Variants in PKHD1L1 observed in about 807,000 individuals in gnomAD.
The protein encoded by PKHD1L1 is PKHD1 like 1, also known as fibrocystin-L.
In PKHD1L1, 434 loss-of-function variants were observed where a neutral mutation model predicts 462.9. The ratio of observed to expected loss-of-function variants is 0.94; its 90% CI spans 0.87 to 1.02. PKHD1L1 has a LOEUF of 1.02. Among genes scored for constraint, PKHD1L1 ranks in the 50% least tolerant of loss-of-function variants. The pLI is 0.00. For missense variants in PKHD1L1, 5,202 were observed against 5,096.1 expected (o/e 1.02, Z -0.63); for synonymous variants, 1,781 against 1,750.0 (o/e 1.02, Z -0.44).
At chr8:109,376,155 C>T (rs951044962) in intron 2 of PKHD1L1, among the ~76,000 whole-genome samples, 9 of 152,356 alleles carry the variant, frequency 5.9e-5, no homozygotes, top group South Asian at 2.1e-4. Context: ...CCACCCAGTT[C>T]GAGCTTCCTG....
intron 2 of PKHD1L1, among the ~76,000 whole-genome samples, chr8:109,380,738 C>T (rs1277569091): frequency 2.0e-5 from 3 of 152,152 alleles, no homozygotes; most frequent in African/African-American, 7.2e-5. Context: ...GCTTTTCTTT[C>T]CTCACATTTT....
chr8:109,508,531 G>A (rs1819815391), intron 70 of PKHD1L1, among the ~76,000 whole-genome samples: 1 of 151,970 alleles, frequency 6.6e-6, no homozygotes, highest in Non-Finnish European at 1.5e-5. Flanking sequence ...AGAAGTAGGG[G>A]AAAAGTTATT....
Position 109,396,101 on chromosome 8 carries a change from G to A in PKHD1L1, c.886G>A (p.Asp296Asn). Reference protein sequence around the residue: ...TTLTISGRFFDQTDFPVRVLV... With the variant: ...TTLTISGRFFNQTDFPVRVLV... ...GCTGACAATAAGTGGGCGTTTCTTT[G>A]ATCAGACAGATTTCCCCGTCAGAGT... Residue 296 changes from aspartate (D) to asparagine (N), a missense_variant, in exon 11 of 78, where the codon GAT (aspartate) becomes AAT (asparagine). Around this residue, in one of 3 missense-constraint regions of PKHD1L1, gnomAD observed 4,497 missense variants for 4,336.8 expected, o/e 1.04. Coordinates refer to ENST00000378402, the MANE Select transcript of PKHD1L1 (RefSeq NM_177531.6). The A allele has an allele frequency of 6.2e-7, 1 of 1,608,796 alleles. No individual in the cohort carries two copies. Among genetic ancestry groups the A allele is most frequent in the South Asian group, 1.1e-5 (1 of 89,382 alleles).
chr8:109,382,623 C>T (rs1812185652), intron 4 of PKHD1L1, 52 bp downstream of exon 4: 1 of 1,441,296 alleles, frequency 6.9e-7, no homozygotes, highest in Admixed American at 2.0e-5. Flanking sequence ...TGCTTTCTTT[C>T]CTGCAGAACT....
intron 18 of PKHD1L1, among the ~76,000 whole-genome samples, chr8:109,408,810 T>C (rs1400918688): frequency 7.9e-5 from 12 of 152,194 alleles, no homozygotes; most frequent in Non-Finnish European, 1.5e-5. Flanking sequence ...CATTTAAATG[T>C]CAACCTTTTA....
At chr8:109,514,074 T>C (rs929669362) in intron 71 of PKHD1L1, among the ~76,000 whole-genome samples, 1 of 152,136 alleles carries the variant, frequency 6.6e-6, no homozygotes, top group Admixed American at 6.5e-5. Flanking sequence ...CTCCCACCCC[T>C]GAGCTCTCTG....
chr8:109,508,762 A>G (rs1363574469), intron 70 of PKHD1L1, among the ~76,000 whole-genome samples: 1 of 152,088 alleles, frequency 6.6e-6, no homozygotes, highest in African/African-American at 2.4e-5. Flanking sequence ...TTTCGTCTCT[A>G]ATTCCTTTGA....
Position 109,401,560 on chromosome 8 carries a change from G to C in PKHD1L1, c.1345G>C (p.Asp449His). The C allele has an allele frequency of 1.3e-6, 2 of 1,588,982 alleles. No homozygotes were observed. The highest frequency in any genetic ancestry group is 1.7e-6 in the Non-Finnish European group (2 of 1,159,306). Residue 449 changes from aspartate to histidine, a missense_variant, in exon 14 of 78, where the codon GAT (aspartate) becomes CAT (histidine). Around this residue, in one of 3 missense-constraint regions of PKHD1L1, gnomAD observed 4,497 missense variants for 4,336.8 expected, o/e 1.04. Transcript: ENST00000378402. ...SYFSSPTQRS[D>H]DIHLQKGKEY... ...TTTTTCCAGTCCAACACAAAGATCAGATGATATTCATCTGCAGAAAGGAAA... is the reference window on the plus strand; with the variant it reads ...TTTTTCCAGTCCAACACAAAGATCACATGATATTCATCTGCAGAAAGGAAA...
chr8:109,518,428 G>A lies in PKHD1L1; in HGVS notation c.11951G>A (p.Arg3984Lys), dbSNP rs770970257. The A allele has an allele frequency of 7.4e-6, 12 of 1,612,120 alleles. No homozygotes were observed. The highest frequency in any genetic ancestry group is 9.3e-6 in the Non-Finnish European group (11 of 1,179,592). The change falls in exon 73 of 78, where the codon AGG becomes AAG. Residue 3984 changes from arginine to lysine, a missense_variant. By Grantham distance (26) the Arg-to-Lys change is conservative (BLOSUM62 2). This residue lies in a region of PKHD1L1 where 698 missense variants were observed against 736.3 expected (regional missense o/e 0.95). Transcript: ENST00000378402. ...RISKIRGKSL[R>K]RKRSMGFIIE... ...AGCAAAATAAGAGGGAAGAGTCTGA[G>A]GAGGAAGAGATCCATGGGATTCATA...
chr8:109,506,670 C>T (rs1819707311), intron 68 of PKHD1L1, among the ~76,000 whole-genome samples: 1 of 152,232 alleles, frequency 6.6e-6, no homozygotes, highest in South Asian at 2.1e-4. Flanking sequence ...ACATGAACTA[C>T]AAAAATATTT....
rs1821069072 is a variant in PKHD1L1 at position 109,532,718 on chromosome 8, T to C, written c.*2628T>C. Among the ~76,000 whole-genome samples the C allele has an allele frequency of 6.6e-6, 1 of 152,188 alleles. No individual in the cohort carries two copies. The highest frequency in any genetic ancestry group is 1.5e-5 in the Non-Finnish European group (1 of 68,020). On this transcript the variant is annotated 3_prime_UTR_variant, in exon 78 of 78. Transcript: ENST00000378402. ...TGTATTTCTCATAGTAAGTGAAATG[T>C]TTATATCTTGTACTACTGTCTCTAC...
At chr8:109,522,713 A>T (rs1384459913) in intron 74 of PKHD1L1, 31 bp from the exon 75 acceptor site, 6 of 1,574,412 alleles carry the variant, frequency 3.8e-6, no homozygotes, top group Non-Finnish European at 5.2e-6. Context: ...TTTATCATGA[A>T]GAAACCAGTT....
intron 21 of PKHD1L1, among the ~76,000 whole-genome samples, chr8:109,417,570 G>T (rs1164429697): frequency 6.6e-6 from 1 of 152,050 alleles, no homozygotes; most frequent in African/African-American, 2.4e-5. Context: ...TTGAGATGGA[G>T]TCTCACTCTG....
chr8:109,398,757 G>A (rs1470242850), intron 12 of PKHD1L1, among the ~76,000 whole-genome samples: 2 of 152,006 alleles, frequency 1.3e-5, no homozygotes, highest in Non-Finnish European at 2.9e-5. Context: ...GAAAAACCCA[G>A]CCTAAATTAT....
intron 13 of PKHD1L1, 104 bp downstream of exon 13, chr8:109,400,448 GA>G: frequency 5.5e-6 from 7 of 1,276,908 alleles, no homozygotes; most frequent in Non-Finnish European, 6.4e-6. Context: ...TAAAATGTAT[GA>G]GAAATGATGT....
intron 19 of PKHD1L1, among the ~76,000 whole-genome samples, chr8:109,411,060 A>G (rs899653644): frequency 6.6e-5 from 10 of 151,884 alleles, no homozygotes; most frequent in Non-Finnish European, 1.2e-4. Flanking sequence ...GATGCACAGT[A>G]TATCCTTTCT....
Position 109,522,891 on chromosome 8 carries a change from G to T in PKHD1L1, c.12330+1G>T. The T allele has an allele frequency of 6.3e-7, 1 of 1,594,660 alleles. No individual in the cohort carries two copies. Among genetic ancestry groups the T allele is most frequent in the Non-Finnish European group, 8.5e-7 (1 of 1,172,384 alleles). ...TTCGGTAAAGGCAACAGATTCTGAC[G>T]TAAGTCATAACTCAAAATTTTACTT... On this transcript the variant is annotated splice_donor_variant, in intron 75 of 77. Coordinates refer to ENST00000378402, the MANE Select transcript of PKHD1L1 (RefSeq NM_177531.6). LOFTEE classifies it high-confidence loss of function.
At chr8:109,406,600 A>G in intron 17 of PKHD1L1, 122 bp downstream of exon 17, 1 of 1,182,626 alleles carries the variant, frequency 8.5e-7, no homozygotes, top group Admixed American at 3.4e-5. Context: ...CAGAAATTAA[A>G]TGGTTTTTTC....
In PKHD1L1 at chr8:109,382,488, G is replaced by C. The variant is rs1301992716; in HGVS notation, c.334G>C (p.Val112Leu). 1 of 1,611,360 alleles carries C rather than the reference G, an allele frequency of 6.2e-7. No individual in the cohort carries two copies. Among genetic ancestry groups the C allele is most frequent in the African/African-American group, 1.3e-5 (1 of 74,780 alleles). ...AGCAATGCCGGAAGATTCCTACACT[G>C]TTAGAGTCAGTGTGGACGGGGTTCC... ...TRAMPEDSYT[V>L]RVSVDGVPVT... Residue 112 changes from valine (V) to leucine (L), a missense_variant, in exon 4 of 78, where the codon GTT becomes CTT. Physicochemically the swap from Val to Leu is conservative, Grantham distance 32. Transcript: ENST00000378402.
Sources: gnomAD v4.1 joint callset for allele counts (sites outside exome capture counted in the v4.1 genomes callset) on GRCh38, gnomAD v4.1.1 for gene constraint, gnomAD v4.1.1 regional missense constraint, MANE v1.5 for transcripts, NCBI Gene and HGNC (gene_info 2026-07-23, HGNC 2026-07-21) for gene names.